The following SETBP1 variants were observed in gnomAD, a reference collection of about 807,000 sequenced individuals.
SETBP1 encodes the protein SET binding protein 1.
In SETBP1, 9 loss-of-function variants were observed where a neutral mutation model predicts 101.0. That is an observed-to-expected ratio of 0.09 (90% confidence interval 0.05 to 0.16). The LOEUF is 0.16. Among genes scored for constraint, SETBP1 ranks in the 10% least tolerant of loss-of-function variants. The pLI, the probability that SETBP1 is intolerant of heterozygous loss-of-function variation, is 1.00. For synonymous variants in SETBP1, 818 were observed against 788.5 expected (o/e 1.04, Z -0.63); for missense variants, 1,858 against 2,033.8 (o/e 0.91, Z 1.66).
At chr18:45,055,565 T>C (rs915903614) in intron 5 of SETBP1, among the ~76,000 whole-genome samples, 6 of 152,200 alleles carry the variant, frequency 3.9e-5, no homozygotes, top group African/African-American at 1.2e-4. Context: ...CTTGGTTTTT[T>C]TTTAAGCACT....
chr18:44,984,609 C>T (rs2072189152), intron 4 of SETBP1, among the ~76,000 whole-genome samples: 1 of 152,044 alleles, frequency 6.6e-6, no homozygotes, highest in African/African-American at 2.4e-5. Context: ...GAATGATGTA[C>T]AATGATGAAG....
chr18:44,778,447 T>C (rs1008162441), intron 2 of SETBP1, among the ~76,000 whole-genome samples: 3 of 152,208 alleles, frequency 2.0e-5, no homozygotes, highest in African/African-American at 7.2e-5. Flanking sequence ...TTGCATAACA[T>C]TTTCCTAAAG....
intron 4 of SETBP1, among the ~76,000 whole-genome samples, chr18:44,957,405 G>C (rs1305751686): frequency 6.6e-6 from 1 of 151,850 alleles, no homozygotes; most frequent in African/African-American, 2.4e-5. Flanking sequence ...TGAGAAGAGT[G>C]AATCTACATG....
At chr18:44,717,385 G>A (rs1194829657) in intron 2 of SETBP1, among the ~76,000 whole-genome samples, 1 of 152,218 alleles carries the variant, frequency 6.6e-6, no homozygotes, top group Non-Finnish European at 1.5e-5. Context: ...CAAACTTCAT[G>A]CTTTTGTCCT....
At chr18:44,703,812 A>C (rs2069163808) in intron 2 of SETBP1, among the ~76,000 whole-genome samples, 1 of 152,218 alleles carries the variant, frequency 6.6e-6, no homozygotes, top group Non-Finnish European at 1.5e-5. Flanking sequence ...GAAACTTCTG[A>C]GATTCATGCA....
chr18:44,924,381 T>C (rs2070650913), intron 3 of SETBP1, among the ~76,000 whole-genome samples: 3 of 152,212 alleles, frequency 2.0e-5, no homozygotes, highest in Admixed American at 2.0e-4. Flanking sequence ...GAAAATGACC[T>C]GTACTGTATT....
intron 4 of SETBP1, among the ~76,000 whole-genome samples, chr18:45,030,245 C>T (rs1258667546): frequency 8.2e-6 from 1 of 121,482 alleles, no homozygotes; most frequent in Non-Finnish European, 1.7e-5. Flanking sequence ...TGTCAAAGGC[C>T]TTTTCTGCAT....
intron 4 of SETBP1, among the ~76,000 whole-genome samples, chr18:45,029,222 C>T (rs1025551279): frequency 1.3e-5 from 2 of 152,100 alleles, no homozygotes; most frequent in African/African-American, 4.8e-5. Flanking sequence ...TTTCAGCTTT[C>T]TACATATGGC....
At chr18:44,911,656 T>C (rs1302221840) in intron 3 of SETBP1, among the ~76,000 whole-genome samples, 1 of 152,198 alleles carries the variant, frequency 6.6e-6, no homozygotes, top group East Asian at 1.9e-4. Context: ...CTGCTTAAAT[T>C]GTACTACAGG....
At position 44,705,938 on chromosome 18, in the gene SETBP1, A is replaced by C. The variant is rs1599012601; in HGVS notation, c.486+4106A>C. Among the ~76,000 whole-genome samples, 8 of 152,276 alleles carry C rather than the reference A, an allele frequency of 5.3e-5. 1 individual carries two copies. The highest frequency in any genetic ancestry group is 5.2e-4 in the Admixed American group (8 of 15,302). On this transcript the variant is annotated intron_variant, in intron 2 of 5. Coordinates refer to ENST00000649279, the MANE Select transcript of SETBP1 (RefSeq NM_015559.3). The stretch of plus-strand genomic sequence containing the variant: ...GGATGCACGGACTCTTCTAACCAGG[A>C]TAGAAGTCTCTTTTCTCTTTCATAT...
At chr18:44,894,563 G>A (rs1486751671) in intron 3 of SETBP1, among the ~76,000 whole-genome samples, 1 of 151,916 alleles carries the variant, frequency 6.6e-6, no homozygotes, top group Non-Finnish European at 1.5e-5. Flanking sequence ...ACTAATTATA[G>A]GTATATAGAA....
intron 2 of SETBP1, among the ~76,000 whole-genome samples, chr18:44,742,490 A>G (rs1324381224): frequency 6.6e-6 from 1 of 152,178 alleles, no homozygotes; most frequent in Admixed American, 6.5e-5. Flanking sequence ...AGTATAGCTC[A>G]TTGGCTGGCA....
At chr18:44,733,852 C>A (rs1390878647) in intron 2 of SETBP1, among the ~76,000 whole-genome samples, 3 of 152,138 alleles carry the variant, frequency 2.0e-5, no homozygotes, top group Non-Finnish European at 4.4e-5. Context: ...TTCCTTCTGA[C>A]CAGGCTGCCA....
At position 44,869,347 on chromosome 18, in the gene SETBP1, A is replaced by G. The variant is rs2069215953; in HGVS notation, c.540+64A>G. 11 of 1,474,148 alleles carry G rather than the reference A, an allele frequency of 7.5e-6. No individual in the cohort carries two copies. The Admixed American group carries it at 1.7e-4, about 22-fold the overall frequency. The allele number at this position is 1,474,148 out of a possible 1,614,324, so 91.3% of individuals were successfully genotyped here. ...AAAATGATCCAGAGTTTGGTTGTCA[A>G]CAAGCACCTTTGGGGCCAGGACAGA... is the stretch of plus-strand genomic sequence containing the variant. On this transcript the variant is annotated intron_variant, in intron 3 of 5. Coordinates refer to ENST00000649279, the MANE Select transcript of SETBP1 (RefSeq NM_015559.3).
Position 45,068,088 on chromosome 18 carries a change from A to T in SETBP1, c.*4390A>T, listed in dbSNP as rs1012945301. On this transcript the variant is annotated 3_prime_UTR_variant, in exon 6 of 6. Transcript: ENST00000649279. ...GCTGGCTAATTTTTAGTTTGTATTC[A>T]TAAGTGGTTTTTAAAAGCCTTTTTT... The T allele has an allele frequency of 1.3e-5, 2 of 152,214 alleles. No individual in the cohort carries two copies. The highest frequency in any genetic ancestry group is 2.4e-5 in the African/African-American group (1 of 41,462). 9.4% of individuals were successfully genotyped at this position (152,214 alleles called of 1,614,324 possible).
Position 44,746,030 on chromosome 18 carries a change from G to A in SETBP1, c.486+44198G>A, listed in dbSNP as rs143667875. On this transcript the variant is annotated intron_variant, in intron 2 of 5. Transcript: ENST00000649279. ...GGGGCAGGGAGATGTGGTCAAATATGCAGGGTAGAGGGGTCACTCTGCCAC... is the reference window on the plus strand; with the variant it reads ...GGGGCAGGGAGATGTGGTCAAATATACAGGGTAGAGGGGTCACTCTGCCAC... Among the ~76,000 whole-genome samples, 4 of 152,268 alleles carry A rather than the reference G, an allele frequency of 2.6e-5. No individual in the cohort carries two copies. In the East Asian group the frequency reaches 7.7e-4, roughly 29 times the overall value.
intron 5 of SETBP1, among the ~76,000 whole-genome samples, chr18:45,056,572 G>A (rs1212174124): frequency 6.6e-6 from 1 of 152,212 alleles, no homozygotes; most frequent in African/African-American, 2.4e-5. Flanking sequence ...CCTCTGGAGG[G>A]AATGTGCACC....
chr18:44,888,791 A>G (rs2069705520), intron 3 of SETBP1, among the ~76,000 whole-genome samples: 1 of 152,126 alleles, frequency 6.6e-6, no homozygotes, highest in Non-Finnish European at 1.5e-5. Context: ...AAGAGGGCCT[A>G]GAAAAAGTTG....
chr18:44,884,485 A>G (rs1222267355), intron 3 of SETBP1, among the ~76,000 whole-genome samples: 1 of 152,194 alleles, frequency 6.6e-6, no homozygotes, highest in Admixed American at 6.5e-5. Flanking sequence ...AGTTGGTCCC[A>G]GCAGAACCTT....
Sources: gnomAD v4.1 joint callset for allele counts (sites outside exome capture counted in the v4.1 genomes callset) on GRCh38, gnomAD v4.1.1 for gene constraint, MANE v1.5 for transcripts, NCBI Gene and HGNC (gene_info 2026-07-23, HGNC 2026-07-21) for gene names.